PLPPR1: variants seen among roughly 807,000 people sequenced by gnomAD.
PLPPR1 encodes phospholipid phosphatase-related protein type 1.
In PLPPR1, 10 loss-of-function variants were observed where a neutral mutation model predicts 33.1. That is an observed-to-expected ratio of 0.30 (90% CI 0.19 to 0.51). The LOEUF (loss-of-function observed/expected upper bound fraction) is 0.51, where lower values mean the gene tolerates loss of function less well. PLPPR1 is among the 20% of genes least tolerant of loss of function. The pLI is 0.97. For synonymous variants in PLPPR1, 151 were observed against 151.0 expected (o/e 1.00, Z 0.00); for missense variants, 304 against 408.1 (o/e 0.74, Z 2.20).
chr9:101,221,518 A>C (rs1164990386), intron 2 of PLPPR1, among the ~76,000 whole-genome samples: 11 of 152,180 alleles, frequency 7.2e-5, no homozygotes, highest in African/African-American at 1.9e-4. Flanking sequence ...GTAGTACAGC[A>C]CTTCATTCTT....
At chr9:101,299,509 A>G (rs1440459540) in intron 4 of PLPPR1, among the ~76,000 whole-genome samples, 2 of 152,140 alleles carry the variant, frequency 1.3e-5, no homozygotes, top group East Asian at 3.9e-4. Flanking sequence ...TTTGATTGTC[A>G]TCCTTGGTGA....
At chr9:101,199,401 T>G (rs1371377366) in intron 2 of PLPPR1, among the ~76,000 whole-genome samples, 2 of 152,212 alleles carry the variant, frequency 1.3e-5, no homozygotes, top group Non-Finnish European at 2.9e-5. Flanking sequence ...AACCAGCATA[T>G]GTAAGTACAA....
intron 1 of PLPPR1, among the ~76,000 whole-genome samples, chr9:101,148,207 G>C (rs1173250481): frequency 6.6e-6 from 1 of 152,086 alleles, no homozygotes; most frequent in East Asian, 1.9e-4. Context: ...ATGCCCTTGT[G>C]ACCAATCTTC....
At chr9:101,113,182 G>C (rs1385677930) in intron 1 of PLPPR1, among the ~76,000 whole-genome samples, 1 of 150,670 alleles carries the variant, frequency 6.6e-6, no homozygotes, top group African/African-American at 2.4e-5. Context: ...TTATTCTCTT[G>C]CTTAATTCTT....
intron 1 of PLPPR1, among the ~76,000 whole-genome samples, chr9:101,152,875 A>G (rs1831609698): frequency 6.6e-6 from 1 of 152,148 alleles, no homozygotes; most frequent in Non-Finnish European, 1.5e-5. Flanking sequence ...TTGACTTGGC[A>G]ATGCGGGCTC....
intron 1 of PLPPR1, among the ~76,000 whole-genome samples, chr9:101,160,883 T>A (rs924733950): frequency 6.6e-6 from 1 of 152,156 alleles, no homozygotes; most frequent in African/African-American, 2.4e-5. Context: ...CTTAAATCAC[T>A]TTAGTGTGAC....
intron 2 of PLPPR1, among the ~76,000 whole-genome samples, chr9:101,196,280 A>T (rs1464621498): frequency 6.6e-6 from 1 of 152,220 alleles, no homozygotes; most frequent in Non-Finnish European, 1.5e-5. Context: ...CTTTATAGGA[A>T]GTCTGCTTTT....
At chr9:101,170,176 T>C (rs1825919422) in intron 1 of PLPPR1, among the ~76,000 whole-genome samples, 1 of 152,098 alleles carries the variant, frequency 6.6e-6, no homozygotes, top group Non-Finnish European at 1.5e-5. Flanking sequence ...TCCTGGCTCA[T>C]GGAGCAAAGT....
At chr9:101,056,055 A>G (rs1361168041) in intron 1 of PLPPR1, among the ~76,000 whole-genome samples, 1 of 152,252 alleles carries the variant, frequency 6.6e-6, no homozygotes, top group Non-Finnish European at 1.5e-5. Flanking sequence ...CAGTCTCTGC[A>G]TAAGTGCTTT....
intron 2 of PLPPR1, among the ~76,000 whole-genome samples, chr9:101,232,175 C>A (rs946898333): frequency 1.3e-5 from 2 of 151,832 alleles, no homozygotes; most frequent in African/African-American, 4.8e-5. Context: ...TTTCTGGTGC[C>A]GTTTTATTTT....
intron 1 of PLPPR1, among the ~76,000 whole-genome samples, chr9:101,130,337 A>C (rs1831299514): frequency 6.6e-6 from 1 of 152,168 alleles, no homozygotes; most frequent in Non-Finnish European, 1.5e-5. Flanking sequence ...GGTCAGACAG[A>C]GCTTACATGA....
rs141828371 is a variant in PLPPR1, at chr9:101,064,364, G to A, written c.-46+35262G>A. On this transcript the variant is annotated intron_variant, in intron 1 of 7. Coordinates refer to ENST00000374874, the MANE Select transcript of PLPPR1 (RefSeq NM_207299.2). ...ATATTTATAGAATGAATGAATGAAT[G>A]AATGAATGAATAGGGTTATGGAATG... 4.0e-3 allele frequency among the ~76,000 whole-genome samples: 602 copies of A among 151,912 alleles called. 5 individuals carry two copies. Among genetic ancestry groups the A allele is most frequent in the African/African-American group, 0.013 (555 of 41,434 alleles).
At chr9:101,076,487 G>C (rs2118499419) in intron 1 of PLPPR1, among the ~76,000 whole-genome samples, 1 of 152,260 alleles carries the variant, frequency 6.6e-6, no homozygotes, top group South Asian at 2.1e-4. Flanking sequence ...TATTGTGAAG[G>C]ATAATTGTGT....
intron 4 of PLPPR1, among the ~76,000 whole-genome samples, chr9:101,303,338 GT>G (rs1828787947): frequency 6.7e-6 from 1 of 148,926 alleles, no homozygotes; most frequent in African/African-American, 2.5e-5. Context: ...TTTTACTCTT[GT>G]TGCCCAGGCT....
At chr9:101,094,098 C>T (rs976174653) in intron 1 of PLPPR1, among the ~76,000 whole-genome samples, 8 of 152,158 alleles carry the variant, frequency 5.3e-5, no homozygotes, top group South Asian at 2.1e-4. Flanking sequence ...TGCCACTCTC[C>T]GGATATTCTT....
chr9:101,254,909 T>C (rs1036307978), intron 2 of PLPPR1, among the ~76,000 whole-genome samples: 1 of 152,082 alleles, frequency 6.6e-6, no homozygotes, highest in Non-Finnish European at 1.5e-5. Context: ...GACTACTGGG[T>C]TATAGGGCAT....
rs1588125893 is a variant in PLPPR1, at chr9:101,320,826, C to G, written c.946-3199C>G. The stretch of plus-strand genomic sequence containing the variant: ...TTTATAGATGAAGAAAGTAAGGCAC[C>G]AGGTTTAAGTAATATGCCCAAGGTC... On this transcript the variant is annotated intron_variant, in intron 7 of 7. Coordinates refer to ENST00000374874, the MANE Select transcript of PLPPR1 (RefSeq NM_207299.2). Among the ~76,000 whole-genome samples the G allele has an allele frequency of 2.0e-5, 3 of 152,200 alleles. No individual in the cohort carries two copies. In the South Asian group the frequency reaches 6.2e-4, roughly 32 times the overall value.
intron 1 of PLPPR1, among the ~76,000 whole-genome samples, chr9:101,118,197 A>G (rs1213482615): frequency 1.3e-5 from 2 of 152,174 alleles, no homozygotes; most frequent in Non-Finnish European, 2.9e-5. Context: ...TGTGGGCAAT[A>G]ATGTTTCAGG....
chr9:101,062,149 G>GGTGTGTGT (rs56998660), intron 1 of PLPPR1, among the ~76,000 whole-genome samples: 193 of 148,542 alleles, frequency 1.3e-3, no homozygotes, highest in East Asian at 3.8e-3. Flanking sequence ...GACAAAATGT[G>GGTGTGTGT]GTGTGTGTGT....
Sources: gnomAD v4.1 joint callset for allele counts (sites outside exome capture counted in the v4.1 genomes callset) on GRCh38, gnomAD v4.1.1 for gene constraint, MANE v1.5 for transcripts, NCBI Gene and HGNC (gene_info 2026-07-23, HGNC 2026-07-21) for gene names.